Variants in C19orf47 observed in about 807,000 individuals in gnomAD.
C19orf47 encodes the protein uncharacterized protein C19orf47.
Under a neutral mutation model 32.3 loss-of-function variants are expected in C19orf47, and 18 were observed. That is an observed-to-expected ratio of 0.56 (90% CI 0.39 to 0.83). The LOEUF (loss-of-function observed/expected upper bound fraction) is 0.83. C19orf47 is among the 40% of genes least tolerant of loss of function. The pLI is 0.00. For synonymous variants in C19orf47, 202 were observed against 211.1 expected (o/e 0.96, Z 0.37); for missense variants, 484 against 531.6 (o/e 0.91, Z 0.88).
At chr19:40,304,274 A>G in the C19orf47 span, among the ~76,000 whole-genome samples, 1 of 152,186 alleles carries the variant, frequency 6.6e-6, no homozygotes, top group Admixed American at 6.6e-5. Context: ...CATCCCTTTG[A>G]TAGACTGATT....
At chr19:40,341,806 G>A in intron 2 of C19orf47, 33 bp downstream of exon 2, 36 of 1,536,078 alleles carry the variant, frequency 2.3e-5, no homozygotes, top group Non-Finnish European at 3.1e-5. Flanking sequence ...GCAGTGGGGA[G>A]AGGGGGCCCT....
the C19orf47 span, among the ~76,000 whole-genome samples, chr19:40,305,187 A>G: frequency 1.3e-5 from 2 of 152,146 alleles, no homozygotes; most frequent in African/African-American, 4.8e-5. Context: ...TACCAAAAAT[A>G]CAAAAATTAG....
intron 1 of C19orf47, chr19:40,342,142 G>T: frequency 1.3e-6 from 1 of 769,430 alleles, no homozygotes. Context: ...CCAAAAGGTT[G>T]GCTGGAAAAG....
intron 2 of C19orf47, among the ~76,000 whole-genome samples, chr19:40,341,519 C>T (rs921042428): frequency 6.6e-6 from 1 of 152,136 alleles, no homozygotes; most frequent in Non-Finnish European, 1.5e-5. Flanking sequence ...ATGCTATAAT[C>T]TCCTTAATCC....
chr19:40,347,368 A>G (rs567114200), intron 1 of C19orf47, among the ~76,000 whole-genome samples: 1 of 152,056 alleles, frequency 6.6e-6, no homozygotes, highest in South Asian at 2.1e-4. Context: ...CGTCTCTACT[A>G]AAATACAAAA....
rs994977692 is a variant in C19orf47, at chr19:40,336,057, C to A, written c.222+53G>T. ...GGCCTCCCATTGGCTCTGCAACTGA[C>A]CCTCCACCTCCATGCCAAACCCAGA... is the stretch of plus-strand genomic sequence containing the variant. On this transcript the variant is annotated intron_variant, in intron 4 of 8. Transcript: ENST00000683109. 7 of 1,541,344 alleles carry A rather than the reference C, an allele frequency of 4.5e-6. No individual in the cohort carries two copies. The Admixed American group carries it at 1.0e-4, about 23-fold the overall frequency.
chr19:40,327,315 T>TA (rs2077854241), intron 6 of C19orf47, among the ~76,000 whole-genome samples: 1 of 140,300 alleles, frequency 7.1e-6, no homozygotes, highest in East Asian at 2.0e-4. Flanking sequence ...CGCCCAGCCT[T>TA]TTTTTTTTTT....
At chr19:40,310,249 A>G in the C19orf47 span, among the ~76,000 whole-genome samples, 3 of 151,660 alleles carry the variant, frequency 2.0e-5, no homozygotes, top group Non-Finnish European at 2.9e-5. Context: ...AAAAAAAAGG[A>G]ATACAGGCCA....
At chr19:40,304,699 ATACT>A in the C19orf47 span, among the ~76,000 whole-genome samples, 1 of 152,088 alleles carries the variant, frequency 6.6e-6, no homozygotes, top group African/African-American at 2.4e-5. Context: ...GCTCCTGTGC[ATACT>A]TACTTAATTA....
intron 2 of C19orf47, among the ~76,000 whole-genome samples, chr19:40,338,292 A>AT (rs2078107818): frequency 3.8e-5 from 4 of 104,638 alleles, no homozygotes; most frequent in South Asian, 6.7e-4. Context: ...CACACACACA[A>AT]ATATATATAT....
intron 5 of C19orf47, among the ~76,000 whole-genome samples, chr19:40,331,217 T>C (rs1018744128): frequency 3.3e-5 from 5 of 152,204 alleles, no homozygotes; most frequent in Admixed American, 2.6e-4. Context: ...AAGAGGTGCT[T>C]TGCACACTGG....
In C19orf47 at chr19:40,321,933, G is replaced by T; in HGVS notation, c.1107C>A (p.Asp369Glu). Residue 369 changes from aspartate (D) to glutamate (E), a missense_variant, in exon 9 of 9, where the codon GAC becomes GAA. Asp to Glu is a conservative substitution (Grantham distance 45). Transcript: ENST00000683109. ...TGAACACGCTCACAGTGCCCGCGTG[G>T]TCCATCTGGGCACCAAGGCCCTCGC... The part of the protein sequence containing the change: ...SSSEGLGAQM[D>E]HAGTVSVFKR... 1 of 1,613,386 alleles carries T rather than the reference G, an allele frequency of 6.2e-7. No homozygotes were observed. The highest frequency in any genetic ancestry group is 1.1e-5 in the South Asian group (1 of 91,060).
chr19:40,297,748 C>G, the C19orf47 span, among the ~76,000 whole-genome samples: 7 of 150,570 alleles, frequency 4.6e-5, no homozygotes, highest in Admixed American at 6.6e-5. Flanking sequence ...GTGGCGGGCA[C>G]CTGTACTCCC....
At chr19:40,293,305 C>G in the C19orf47 span, among the ~76,000 whole-genome samples, 1 of 151,134 alleles carries the variant, frequency 6.6e-6, no homozygotes, top group Admixed American at 6.6e-5. Flanking sequence ...GCCACCACGC[C>G]TGGCCAATTT....
intron 2 of C19orf47, among the ~76,000 whole-genome samples, chr19:40,336,721 G>A (rs1010251777): frequency 1.3e-5 from 2 of 152,000 alleles, no homozygotes; most frequent in African/African-American, 4.8e-5. Context: ...GCTCCACCCC[G>A]CCCCAGTGCT....
the C19orf47 span, among the ~76,000 whole-genome samples, chr19:40,302,827 T>G: frequency 1.3e-5 from 2 of 152,078 alleles, no homozygotes; most frequent in Non-Finnish European, 2.9e-5. Flanking sequence ...TGACTTGGAG[T>G]TACTGAAAGT....
intron 8 of C19orf47, among the ~76,000 whole-genome samples, 175 bp downstream of exon 8, chr19:40,323,831 G>A (rs1342016148): frequency 1.3e-5 from 2 of 152,184 alleles, no homozygotes; most frequent in South Asian, 4.1e-4. Context: ...TGGGAGAGAA[G>A]CCAGGGCAGA....
chr19:40,341,793 A>C lies in C19orf47; in HGVS notation c.19+46T>G, dbSNP rs79967669. The stretch of plus-strand genomic sequence containing the variant: ...CCCCCACCAAGGCCATACCTCAAAA[A>C]GGGCAGTGGGGAGAGGGGGCCCTGG... On this transcript the variant is annotated intron_variant, in intron 2 of 8. Transcript: ENST00000683109. 4,483 of 1,535,520 alleles carry C rather than the reference A, an allele frequency of 2.9e-3. 123 individuals are homozygous for C. In the African/African-American group the frequency reaches 0.055, roughly 19 times the overall value.
the C19orf47 span, among the ~76,000 whole-genome samples, chr19:40,309,017 A>G: frequency 6.6e-6 from 1 of 152,152 alleles, no homozygotes; most frequent in Non-Finnish European, 1.5e-5. Flanking sequence ...AGCTGTGATC[A>G]TGCCACTGCA....
Sources: allele counts gnomAD v4.1 joint callset (sites outside exome capture counted in the v4.1 genomes callset), GRCh38; gene constraint gnomAD v4.1.1; transcripts MANE v1.5; gene names NCBI Gene and HGNC (gene_info 2026-07-23, HGNC 2026-07-21).